Variants in ABAT observed in about 807,000 individuals in gnomAD.
ABAT encodes 4-aminobutyrate aminotransferase, mitochondrial.
In ABAT, 45 loss-of-function variants were observed where a neutral mutation model predicts 64.6. The ratio of observed to expected loss-of-function variants is 0.70; its 90% CI spans 0.55 to 0.89. The LOEUF is 0.89. ABAT is among the 40% of genes least tolerant of loss of function. The probability of loss-of-function intolerance (pLI) is 0.00; values close to 1 mark genes in which losing one functional copy is unlikely to be tolerated. For missense variants in ABAT, 633 were observed against 658.4 expected (o/e 0.96, Z 0.42); for synonymous variants, 297 against 250.5 (o/e 1.19, Z -1.75).
chr16:8,747,167 C>T (rs528476556), intron 3 of ABAT, among the ~76,000 whole-genome samples: 80 of 152,266 alleles, frequency 5.3e-4, no homozygotes, highest in Non-Finnish European at 1.1e-3. Context: ...GCCTTAAGTC[C>T]AGAGTCAAGG....
chr16:8,733,874 C>T (rs2058834275), intron 1 of ABAT, among the ~76,000 whole-genome samples: 1 of 152,214 alleles, frequency 6.6e-6, no homozygotes, highest in Non-Finnish European at 1.5e-5. Flanking sequence ...TTTCATATGA[C>T]AGGAATCATG....
rs111340390 is a variant in ABAT, at chr16:8,757,462, G to A, written c.317-295G>A. Among the ~76,000 whole-genome samples the A allele has an allele frequency of 1.8e-4, 28 of 152,108 alleles. 1 individual carries two copies. Among genetic ancestry groups the A allele is most frequent in the African/African-American group, 6.7e-4 (28 of 41,490 alleles). ...GGATTACAGGTGTGAGCCACCACAC[G>A]TGGCGCATTTATCTCACCTTATGTT... On this transcript the variant is annotated intron_variant, in intron 5 of 15. Transcript: ENST00000268251.
At position 8,724,743 on chromosome 16, in the gene ABAT, AAAC is replaced by A. The variant is rs1201353751; in HGVS notation, c.-41-10953_-41-10951del. On this transcript the variant is annotated intron_variant, in intron 1 of 15. Coordinates refer to ENST00000268251, the MANE Select transcript of ABAT (RefSeq NM_020686.6). The stretch of plus-strand genomic sequence containing the variant: ...GACCTTGTCTCAGGAAAAAAAAAAA[AAAC>A]AAAAAAAAAAAAAAAAAAAAAAACA... 1.4e-3 allele frequency among the ~76,000 whole-genome samples: 6 copies of A among 4,288 alleles called. 1 individual carries two copies. The highest frequency in any genetic ancestry group is 8.2e-3 in the East Asian group (1 of 122). The allele number at this position is 4,288 out of a possible 152,430, so 2.8% of individuals were successfully genotyped here. A position where few individuals can be genotyped will look rare whatever the true frequency, so the allele number is the denominator to read the frequency against.
intron 1 of ABAT, among the ~76,000 whole-genome samples, chr16:8,723,827 A>ATATTTTTT (rs1567286201): frequency 2.5e-5 from 1 of 40,348 alleles, no homozygotes; most frequent in Non-Finnish European, 4.0e-5. Flanking sequence ...ATATATATAT[A>ATATTTTTT]TTTTTTTTTT....
At chr16:8,717,271 C>T (rs2058240636) in intron 1 of ABAT, among the ~76,000 whole-genome samples, 1 of 152,212 alleles carries the variant, frequency 6.6e-6, no homozygotes, top group African/African-American at 2.4e-5. Context: ...GCCTGGGCAA[C>T]AAGAGCAAAA....
At chr16:8,744,839 A>G (rs1365580185) in intron 2 of ABAT, among the ~76,000 whole-genome samples, 1 of 152,016 alleles carries the variant, frequency 6.6e-6, no homozygotes, top group East Asian at 2.0e-4. Flanking sequence ...CTGCATGCTA[A>G]TACCATGGGC....
intron 1 of ABAT, among the ~76,000 whole-genome samples, chr16:8,680,479 G>A (rs2057306812): frequency 6.6e-6 from 1 of 152,166 alleles, no homozygotes; most frequent in Middle Eastern, 3.2e-3. Context: ...AGGCTGGAGT[G>A]CAGTGGTGTG....
At chr16:8,723,827 A>ATATATATT (rs1567286201) in intron 1 of ABAT, among the ~76,000 whole-genome samples, 1 of 40,348 alleles carries the variant, frequency 2.5e-5, no homozygotes, top group Non-Finnish European at 4.0e-5. Context: ...ATATATATAT[A>ATATATATT]TTTTTTTTTT....
chr16:8,759,414 G>A (rs2059735557), intron 6 of ABAT, among the ~76,000 whole-genome samples: 1 of 151,514 alleles, frequency 6.6e-6, no homozygotes, highest in African/African-American at 2.4e-5. Flanking sequence ...TTGTAATGAG[G>A]AATCAGAACA....
chr16:8,741,967 A>G (rs1199586806), intron 2 of ABAT, among the ~76,000 whole-genome samples: 1 of 152,264 alleles, frequency 6.6e-6, no homozygotes, highest in Non-Finnish European at 1.5e-5. Flanking sequence ...CCAGCCTAGC[A>G]TTTTAGTAAA....
At chr16:8,724,585 G>A (rs2313596) in intron 1 of ABAT, among the ~76,000 whole-genome samples, 122,109 of 151,880 alleles carry the variant, frequency 0.8, 49,791 homozygotes, top group Non-Finnish European at 0.88. Context: ...GAAATACAAA[G>A]ATTAGCCAGG....
chr16:8,717,526 A>C (rs941910026), intron 1 of ABAT, among the ~76,000 whole-genome samples: 2 of 152,148 alleles, frequency 1.3e-5, no homozygotes, highest in African/African-American at 4.8e-5. Context: ...CTCCAAACCA[A>C]ACCAGACCAG....
rs79129876 is a variant in ABAT, at chr16:8,710,264, T to C, written c.-41-25435T>C. ...GGTGCTCAAACACAAATAAAGGTTA[T>C]AGCTTTTGTTACATGTATTAGGGAT... On this transcript the variant is annotated intron_variant, in intron 1 of 15. Transcript: ENST00000268251. 4.3e-3 allele frequency among the ~76,000 whole-genome samples: 656 copies of C among 152,298 alleles called. 6 individuals carry two copies. The highest frequency in any genetic ancestry group is 0.015 in the African/African-American group (638 of 41,558).
At position 8,779,579 on chromosome 16, in the gene ABAT, C is replaced by A. The variant is rs769027199; in HGVS notation, c.1370C>A (p.Ala457Asp). ...ATACGGAATAAGCTCATTTTAATTG[C>A]CAGAAACAAAGGTAAGGGGTCAGGA... ...DSIRNKLILI[A>D]RNKGVVLGGC... The change falls in exon 15 of 16, where the codon GCC (alanine) becomes GAC (aspartate). Residue 457 changes from alanine (A) to aspartate (D), a missense_variant. Ala to Asp is a moderately radical substitution (Grantham distance 126). Transcript: ENST00000268251. 1 of 1,613,876 alleles carries A rather than the reference C, an allele frequency of 6.2e-7. No individual in the cohort carries two copies. The highest frequency in any genetic ancestry group is 8.5e-7 in the Non-Finnish European group (1 of 1,179,896).
intron 1 of ABAT, among the ~76,000 whole-genome samples, chr16:8,711,566 G>A (rs888411732): frequency 2.0e-5 from 3 of 152,216 alleles, no homozygotes; most frequent in African/African-American, 4.8e-5. Flanking sequence ...CTGTGAGAAC[G>A]TATTGCACTT....
At chr16:8,678,903 A>G (rs1054845618) in intron 1 of ABAT, among the ~76,000 whole-genome samples, 1 of 152,178 alleles carries the variant, frequency 6.6e-6, no homozygotes, top group Admixed American at 6.5e-5. Context: ...GTAAATATGC[A>G]TGAACATGGA....
intron 1 of ABAT, among the ~76,000 whole-genome samples, chr16:8,686,555 G>T (rs529703292): frequency 2.0e-5 from 3 of 152,134 alleles, no homozygotes; most frequent in Non-Finnish European, 4.4e-5. Flanking sequence ...TCACCTTGTC[G>T]CTCACAACAG....
chr16:8,696,839 G>A (rs1231017416), intron 1 of ABAT, among the ~76,000 whole-genome samples: 1 of 152,178 alleles, frequency 6.6e-6, no homozygotes, highest in African/African-American at 2.4e-5. Flanking sequence ...CACTTCCCCT[G>A]TGGAGGAAGC....
At chr16:8,722,795 C>A in intron 1 of ABAT, 1 of 1,288,866 alleles carries the variant, frequency 7.8e-7, no homozygotes. Context: ...TAGCGGATTG[C>A]AAAGGGCCTG....
Sources: allele counts gnomAD v4.1 joint callset (sites outside exome capture counted in the v4.1 genomes callset), GRCh38; gene constraint gnomAD v4.1.1; transcripts MANE v1.5; gene names NCBI Gene and HGNC (gene_info 2026-07-23, HGNC 2026-07-21).